ERICH1: variants seen among roughly 807,000 people sequenced by gnomAD.
The protein encoded by ERICH1 is glutamate-rich protein 1.
A neutral mutation model predicts 39.6 loss-of-function variants in ERICH1; 56 were observed. The observed-to-expected ratio is 1.41, with a 90% CI of 1.14 to 1.77. The LOEUF (loss-of-function observed/expected upper bound fraction) is 1.77. Among genes scored for constraint, ERICH1 ranks in the 40% most tolerant of loss-of-function variants. ERICH1 has a pLI of 0.00. For missense variants in ERICH1, 826 were observed against 575.4 expected (o/e 1.44, Z -4.45); for synonymous variants, 313 against 223.6 (o/e 1.40, Z -3.57).
At position 650,648 on chromosome 8, in the gene ERICH1, G is replaced by C. The variant is rs527289098; in HGVS notation, c.976+17950C>G. On this transcript the variant is annotated intron_variant, in intron 3 of 3. Transcript: ENST00000522706. ...TCCAGAGCCGGCACCGTGCCATAGG[G>C]CAGGAGAGAAGGAGGACATGAGGCG... Among the ~76,000 whole-genome samples the C allele has an allele frequency of 4.6e-5, 7 of 152,326 alleles. No homozygotes were observed. In the South Asian group the frequency reaches 1.5e-3, roughly 32 times the overall value.
chr8:639,426 T>G (rs1211531669), intron 3 of ERICH1, among the ~76,000 whole-genome samples: 1 of 152,172 alleles, frequency 6.6e-6, no homozygotes, highest in East Asian at 1.9e-4. Flanking sequence ...AGGAGATGAT[T>G]TGAAAAGCAC....
chr8:676,822 T>C (rs1046271183), intron 3 of ERICH1, among the ~76,000 whole-genome samples: 5 of 152,234 alleles, frequency 3.3e-5, no homozygotes, highest in African/African-American at 1.2e-4. Context: ...ACAGTTCTCA[T>C]TTTAGGAAGC....
At chr8:652,975 T>C (rs1157271622) in intron 3 of ERICH1, among the ~76,000 whole-genome samples, 1 of 152,208 alleles carries the variant, frequency 6.6e-6, no homozygotes, top group Non-Finnish European at 1.5e-5. Context: ...TGAGGAGGAA[T>C]GAGCACACTC....
chr8:657,318 G>A (rs1162981484), intron 3 of ERICH1, among the ~76,000 whole-genome samples: 1 of 152,082 alleles, frequency 6.6e-6, no homozygotes, highest in African/African-American at 2.4e-5. Context: ...GCTTATTGCA[G>A]GCTAGGAATG....
At chr8:634,598 T>C (rs1703929) in intron 3 of ERICH1, among the ~76,000 whole-genome samples, 73,501 of 151,734 alleles carry the variant, frequency 0.48, 18,011 homozygotes, top group African/African-American at 0.57. Context: ...CACAGTGCCA[T>C]GCGTGCAGTA....
At chr8:722,844 C>G (rs967062154) in intron 1 of ERICH1, among the ~76,000 whole-genome samples, 5 of 152,328 alleles carry the variant, frequency 3.3e-5, no homozygotes, top group Admixed American at 2.6e-4. Context: ...TCAGGAGAAG[C>G]TGTAAAACCG....
At chr8:626,570 GAC>G (rs1271433340) in intron 3 of ERICH1, 1 of 157,740 alleles carries the variant, frequency 6.3e-6, no homozygotes, top group African/African-American at 2.4e-5. Flanking sequence ...ACAGTTCAGA[GAC>G]ACAGTTCCCT....
chr8:709,251 T>A (rs888007014), intron 2 of ERICH1, among the ~76,000 whole-genome samples: 10 of 152,148 alleles, frequency 6.6e-5, no homozygotes, highest in African/African-American at 2.4e-4. Context: ...AGGGTCTAAA[T>A]TGTCCAAGCA....
At chr8:722,206 G>A (rs1408049668) in intron 1 of ERICH1, among the ~76,000 whole-genome samples, 10 of 151,116 alleles carry the variant, frequency 6.6e-5, no homozygotes, top group African/African-American at 2.4e-4. Context: ...AAAGGCAGAG[G>A]ACGGAGTGTT....
chr8:686,157 AATCATC>A (rs896052593), intron 3 of ERICH1, among the ~76,000 whole-genome samples: 4 of 152,066 alleles, frequency 2.6e-5, no homozygotes, highest in African/African-American at 9.7e-5. Context: ...TCCATCTCAA[AATCATC>A]ATCATCATCA....
rs1584959082 is a variant in ERICH1, at chr8:630,268, C to A, written c.977-14984G>T. 1.6e-5 allele frequency among the ~76,000 whole-genome samples: 2 copies of A among 127,142 alleles called. 1 individual carries two copies. Among genetic ancestry groups the A allele is most frequent in the Admixed American group, 1.6e-4 (2 of 12,862 alleles). 83.4% of individuals were successfully genotyped at this position (127,142 alleles called of 152,430 possible). A position where few individuals can be genotyped will look rare whatever the true frequency, so the allele number is the denominator to read the frequency against. On this transcript the variant is annotated intron_variant, in intron 3 of 3. Coordinates refer to the ERICH1 transcript ENST00000522706. The stretch of plus-strand genomic sequence containing the variant: ...GCTGACTCACACCCTCCCGTGACCA[C>A]CCACAGGCAGAGGTGACTCACACCC...
At chr8:639,270 C>T (rs1798718147) in intron 3 of ERICH1, among the ~76,000 whole-genome samples, 1 of 152,192 alleles carries the variant, frequency 6.6e-6, no homozygotes, top group Non-Finnish European at 1.5e-5. Flanking sequence ...CCAGGGTCAG[C>T]TGTGTTCCCA....
intron 3 of ERICH1, among the ~76,000 whole-genome samples, chr8:676,560 G>A (rs1388034473): frequency 6.6e-6 from 1 of 152,148 alleles, no homozygotes. Flanking sequence ...CCGTGCTGCT[G>A]CTCCCTGACA....
chr8:703,772 C>A (rs374730000), intron 2 of ERICH1, among the ~76,000 whole-genome samples: 2 of 152,080 alleles, frequency 1.3e-5, no homozygotes, highest in East Asian at 1.9e-4. Flanking sequence ...ATAAAAAATC[C>A]GGGAGAAGAT....
In ERICH1 at chr8:673,472, TG is replaced by T; in HGVS notation, c.879del (p.Arg294GlyfsTer48). The T allele has an allele frequency of 6.2e-7, 1 of 1,610,650 alleles. No homozygotes were observed. The highest frequency in any genetic ancestry group is 8.5e-7 in the Non-Finnish European group (1 of 1,179,638). ...CTGGCGTCCGCACCGTCCTCCTCCCTGGTGTCTTTACCGTCTTCCTCCCCGG... is the reference window on the plus strand; with the variant it reads ...CTGGCGTCCGCACCGTCCTCCTCCCTGTGTCTTTACCGTCTTCCTCCCCGG... Reference protein sequence around the residue: ...TRAGEEDGKDTREEDGADASE... With the variant: ...TRAGEEDGKDXREEDGADASE... On this transcript the variant is annotated frameshift_variant, in exon 4 of 6. Transcript: ENST00000262109. LOFTEE classifies it high-confidence loss of function.
At chr8:634,180 A>AAACAACAAACAAAC (rs1554481880) in intron 3 of ERICH1, among the ~76,000 whole-genome samples, 14 of 91,258 alleles carry the variant, frequency 1.5e-4, no homozygotes, top group African/African-American at 5.5e-4. Context: ...AAAAAAAAAA[A>AAACAACAAACAAAC]AAAAAACAAA....
At chr8:701,252 T>C (rs186614308) in intron 2 of ERICH1, among the ~76,000 whole-genome samples, 2,805 of 143,308 alleles carry the variant, frequency 0.02, 89 homozygotes, top group African/African-American at 0.071. Context: ...TCTACCCTGC[T>C]GGACGGGAGC....
At chr8:632,621 G>A (rs1798114122) in intron 3 of ERICH1, among the ~76,000 whole-genome samples, 1 of 152,196 alleles carries the variant, frequency 6.6e-6, no homozygotes, top group South Asian at 2.1e-4. Flanking sequence ...AAAACCCAAA[G>A]AAAGGGGCAG....
intron 2 of ERICH1, among the ~76,000 whole-genome samples, chr8:694,138 A>G (rs993266928): frequency 1.4e-4 from 21 of 152,196 alleles, no homozygotes; most frequent in Non-Finnish European, 7.3e-5. Context: ...CACAGAACAG[A>G]ATGTAGCTGT....
Sources: gnomAD v4.1 joint callset for allele counts (sites outside exome capture counted in the v4.1 genomes callset) on GRCh38, gnomAD v4.1.1 for gene constraint, MANE v1.5 for transcripts, NCBI Gene and HGNC (gene_info 2026-07-23, HGNC 2026-07-21) for gene names.